The following RBFOX3 variants were observed in gnomAD, a reference collection of about 807,000 sequenced individuals.
RBFOX3 encodes RNA binding protein fox-1 homolog 3.
RBFOX3 carries 17 observed loss-of-function variants against 48.7 expected under a neutral mutation model. That is an observed-to-expected ratio of 0.35 (90% CI 0.24 to 0.52). The LOEUF (loss-of-function observed/expected upper bound fraction) is 0.52, where lower values mean the gene tolerates loss of function less well. RBFOX3 is among the 20% of genes least tolerant of loss of function. RBFOX3 has a pLI of 0.94. For missense variants in RBFOX3, 382 were observed against 497.5 expected (o/e 0.77, Z 2.21); for synonymous variants, 212 against 209.5 (o/e 1.01, Z -0.10).
At chr17:79,170,832 C>T (rs1250651339) in intron 4 of RBFOX3, among the ~76,000 whole-genome samples, 1 of 152,200 alleles carries the variant, frequency 6.6e-6, no homozygotes, top group African/African-American at 2.4e-5. Context: ...CAGCCTAGAG[C>T]CCCAAAACAC....
chr17:79,431,198 G>C (rs183554897), intron 2 of RBFOX3, among the ~76,000 whole-genome samples: 2 of 152,100 alleles, frequency 1.3e-5, no homozygotes, highest in Admixed American at 1.3e-4. Flanking sequence ...TTAAACACGC[G>C]GTCTGTTCTC....
rs1247688860 is a variant in RBFOX3, at chr17:79,481,108, C to T, written c.-175+1346G>A. On this transcript the variant is annotated intron_variant, in intron 2 of 14. Coordinates refer to ENST00000693108, the MANE Select transcript of RBFOX3 (RefSeq NM_001350451.2). The surrounding 1 kb of genome is among the most constrained non-coding windows in gnomAD (Gnocchi z 5.4). ...GTGCACGCCTGGAGAAGCACCCAGACTGTGCATAGAGACTTCCAATTCTGC... is the reference window on the plus strand; with the variant it reads ...GTGCACGCCTGGAGAAGCACCCAGATTGTGCATAGAGACTTCCAATTCTGC... Among the ~76,000 whole-genome samples the T allele has an allele frequency of 2.0e-5, 3 of 152,218 alleles. No homozygotes were observed. The highest frequency in any genetic ancestry group is 4.4e-5 in the Non-Finnish European group (3 of 68,040).
intron 1 of RBFOX3, among the ~76,000 whole-genome samples, chr17:79,519,234 G>A (rs1388915905): frequency 2.6e-5 from 4 of 152,230 alleles, no homozygotes; most frequent in Non-Finnish European, 4.4e-5. Flanking sequence ...GCCATCCCTG[G>A]GAGCCTGCAC....
At chr17:79,462,714 G>C (rs1023734571) in intron 2 of RBFOX3, among the ~76,000 whole-genome samples, 1 of 152,136 alleles carries the variant, frequency 6.6e-6, no homozygotes, top group Non-Finnish European at 1.5e-5. Flanking sequence ...TGGAGAGAAA[G>C]AAGCAAGACG....
At chr17:79,497,832 C>A (rs1031799632) in intron 1 of RBFOX3, among the ~76,000 whole-genome samples, 40 of 152,306 alleles carry the variant, frequency 2.6e-4, no homozygotes, top group African/African-American at 9.4e-4. Context: ...AGGGACTAAG[C>A]CAAAGCTTAG....
the RBFOX3 span, among the ~76,000 whole-genome samples, chr17:79,652,108 C>CT: frequency 1.5e-4 from 23 of 152,078 alleles, no homozygotes; most frequent in Admixed American, 6.6e-4. Flanking sequence ...CCCATGGAAA[C>CT]TGTGAGATAA....
chr17:79,286,499 G>C (rs1481515034), intron 3 of RBFOX3, among the ~76,000 whole-genome samples: 1 of 152,146 alleles, frequency 6.6e-6, no homozygotes. Context: ...CTGAGATGGG[G>C]GTGCTTCACG....
At chr17:79,097,212 C>A (rs1599395228) in intron 11 of RBFOX3, 80 bp downstream of exon 11, 1 of 1,255,850 alleles carries the variant, frequency 8.0e-7, no homozygotes, top group East Asian at 2.7e-5. Context: ...TAGCCCCTCG[C>A]ACTGCGCAGG....
At chr17:79,484,548 AGGGGGCCTGGGTGCAG>A (rs2079267199) in intron 1 of RBFOX3, among the ~76,000 whole-genome samples, 3 of 22,496 alleles carry the variant, frequency 1.3e-4, no homozygotes, top group Non-Finnish European at 2.3e-4. Flanking sequence ...GCCTGGGTGC[AGGGGGCCTGGGTGCAG>A]GGGGCCTGGG....
chr17:79,204,715 A>G lies in RBFOX3; in HGVS notation c.-34+31051T>C, dbSNP rs1039244469. ...AGCTTCGTGGTGAGTGCCTTCACTT[A>G]GGGTTGCCATTAGGAGATGCTGCCA... On this transcript the variant is annotated intron_variant, in intron 4 of 14. Transcript: ENST00000693108. The surrounding 1 kb of genome is among the most constrained non-coding windows in gnomAD (Gnocchi z 4.5). 3.3e-5 allele frequency among the ~76,000 whole-genome samples: 5 copies of G among 152,128 alleles called. No individual in the cohort carries two copies. The highest frequency in any genetic ancestry group is 1.2e-4 in the African/African-American group (5 of 41,410).
rs775197033 is a variant in RBFOX3 at position 79,303,213 on chromosome 17, G to C, written c.-74+4511C>G. Among the ~76,000 whole-genome samples, 5 of 152,224 alleles carry C rather than the reference G, an allele frequency of 3.3e-5. No homozygotes were observed. The South Asian group carries it at 1.0e-3, about 32-fold the overall frequency. ...ACAGAACAAGACCTTGTCTCAAATA[G>C]TCCATTTATGCTATGATTTTTAATT... On this transcript the variant is annotated intron_variant, in intron 3 of 14. Coordinates refer to ENST00000693108, the MANE Select transcript of RBFOX3 (RefSeq NM_001350451.2).
At chr17:79,543,001 G>A (rs1555790805) in intron 1 of RBFOX3, among the ~76,000 whole-genome samples, 1 of 152,080 alleles carries the variant, frequency 6.6e-6, no homozygotes, top group Admixed American at 6.5e-5. Context: ...CCCGTGGCCG[G>A]TGGCTGCCAT....
intron 3 of RBFOX3, among the ~76,000 whole-genome samples, chr17:79,238,441 T>C (rs9901008): frequency 0.12 from 17,678 of 152,230 alleles, 1,171 homozygotes; most frequent in Non-Finnish European, 0.15. Context: ...GAAGCAGGAC[T>C]AAGCCAAAGA....
At position 79,480,757 on chromosome 17, in the gene RBFOX3, G is replaced by C. The variant is rs1299691220; in HGVS notation, c.-175+1697C>G. Among the ~76,000 whole-genome samples, 1 of 152,136 alleles carries C rather than the reference G, an allele frequency of 6.6e-6. No individual in the cohort carries two copies. The highest frequency in any genetic ancestry group is 1.5e-5 in the Non-Finnish European group (1 of 68,028). ...TGTCTTGGCTCACAACATCAGCACCGGGGCCTGCCCTTCTGTCCTGGGCAA... is the reference window on the plus strand; with the variant it reads ...TGTCTTGGCTCACAACATCAGCACCCGGGCCTGCCCTTCTGTCCTGGGCAA... On this transcript the variant is annotated intron_variant, in intron 2 of 14. Transcript: ENST00000693108. This position sits in a 1 kb window ranked among gnomAD's most constrained non-coding sequence, Gnocchi z 4.8.
chr17:79,406,869 C>A (rs1442006329), intron 2 of RBFOX3, among the ~76,000 whole-genome samples: 1 of 152,188 alleles, frequency 6.6e-6, no homozygotes, highest in Non-Finnish European at 1.5e-5. Context: ...CAAAGAAATA[C>A]CCGAAGCTGG....
chr17:79,337,851 G>A (rs2081433336), intron 2 of RBFOX3, among the ~76,000 whole-genome samples: 1 of 152,032 alleles, frequency 6.6e-6, no homozygotes, highest in Non-Finnish European at 1.5e-5. Context: ...AGTTCTTATA[G>A]CCTACCTCTG....
the RBFOX3 span, among the ~76,000 whole-genome samples, chr17:79,617,741 G>A: frequency 2.4e-4 from 37 of 152,222 alleles, no homozygotes; most frequent in African/African-American, 7.7e-4. Context: ...AGTCATCCCC[G>A]CATTTTGAGC....
chr17:79,458,890 C>T (rs1555746875), intron 2 of RBFOX3, among the ~76,000 whole-genome samples: 1 of 152,228 alleles, frequency 6.6e-6, no homozygotes, highest in Non-Finnish European at 1.5e-5. Flanking sequence ...TTCCCGGGTA[C>T]TGTTCCCTCT....
At chr17:79,506,641 G>C (rs1293831400) in intron 1 of RBFOX3, among the ~76,000 whole-genome samples, 1 of 152,222 alleles carries the variant, frequency 6.6e-6, no homozygotes, top group Admixed American at 6.5e-5. Flanking sequence ...GCCGCGGCCA[G>C]GCCTGGGGAC....
Sources: gnomAD v4.1 joint callset for allele counts (sites outside exome capture counted in the v4.1 genomes callset) on GRCh38, gnomAD v4.1.1 for gene constraint, Gnocchi (gnomAD v3.1) non-coding constraint, MANE v1.5 for transcripts, NCBI Gene and HGNC (gene_info 2026-07-23, HGNC 2026-07-21) for gene names.